PRDM5: variants seen among roughly 807,000 people sequenced by gnomAD.
The protein encoded by PRDM5 is PR/SET domain 5.
A neutral mutation model predicts 81.2 loss-of-function variants in PRDM5; 56 were observed. That is an observed-to-expected ratio of 0.69 (90% confidence interval 0.56 to 0.86). The LOEUF is 0.86. Among genes scored for constraint, PRDM5 ranks in the 40% least tolerant of loss-of-function variants. PRDM5 has a pLI of 0.00. For missense variants in PRDM5, 697 were observed against 770.1 expected (o/e 0.91, Z 1.12); for synonymous variants, 267 against 256.4 (o/e 1.04, Z -0.39).
At chr4:120,872,827 G>T (rs1020442474) in intron 2 of PRDM5, among the ~76,000 whole-genome samples, 15 of 152,090 alleles carry the variant, frequency 9.9e-5, no homozygotes, top group Admixed American at 9.8e-4. Flanking sequence ...GGGGCAGGGG[G>T]TAGTGGGGAG....
intron 14 of PRDM5, among the ~76,000 whole-genome samples, chr4:120,730,038 T>C (rs1740023073): frequency 6.6e-6 from 1 of 152,234 alleles, no homozygotes; most frequent in Non-Finnish European, 1.5e-5. Context: ...GTTCATTCAA[T>C]ACGGAACATA....
intron 3 of PRDM5, among the ~76,000 whole-genome samples, chr4:120,827,018 C>CTA (rs1756080708): frequency 6.6e-6 from 1 of 152,136 alleles, no homozygotes; most frequent in Non-Finnish European, 1.5e-5. Flanking sequence ...CACTAAGGTA[C>CTA]CGTAGAATAT....
chr4:120,889,265 A>T (rs909575778), intron 2 of PRDM5, among the ~76,000 whole-genome samples: 1 of 152,196 alleles, frequency 6.6e-6, no homozygotes, highest in East Asian at 1.9e-4. Context: ...TTAGGGGTCA[A>T]AATACTATTT....
chr4:120,727,816 A>T (rs911441948), intron 14 of PRDM5, among the ~76,000 whole-genome samples: 3 of 151,968 alleles, frequency 2.0e-5, no homozygotes, highest in African/African-American at 7.3e-5. Flanking sequence ...CACGTCTGTA[A>T]TCCCAGCTAC....
Position 120,780,986 on chromosome 4 carries a change from G to A in PRDM5, c.1443+157C>T, listed in dbSNP as rs567150826. On this transcript the variant is annotated intron_variant, in intron 12 of 15. Transcript: ENST00000264808. Reference sequence around the variant, plus strand: ...AGGTCTATCCTGAAAGATGAAGAAAGTGAACATTGTCTGAAGAGCTGATAT... The same window carrying A: ...AGGTCTATCCTGAAAGATGAAGAAAATGAACATTGTCTGAAGAGCTGATAT... 3.5e-4 allele frequency among the ~76,000 whole-genome samples: 53 copies of A among 152,242 alleles called. 1 individual carries two copies. The South Asian group carries it at 0.011, about 31-fold the overall frequency.
chr4:120,828,268 T>C (rs1756279277), intron 3 of PRDM5, among the ~76,000 whole-genome samples: 1 of 152,092 alleles, frequency 6.6e-6, no homozygotes, highest in South Asian at 2.1e-4. Context: ...GATTAAATAA[T>C]ATAGAATATG....
intron 10 of PRDM5, among the ~76,000 whole-genome samples, chr4:120,786,522 C>T (rs1235450084): frequency 6.6e-5 from 10 of 152,054 alleles, no homozygotes; most frequent in Admixed American, 1.3e-4. Flanking sequence ...TTGAGGCAAA[C>T]GTCCAGATAT....
chr4:120,811,583 C>A, intron 7 of PRDM5, 134 bp from the exon 8 acceptor site: 1 of 529,192 alleles, frequency 1.9e-6, no homozygotes, highest in Non-Finnish European at 3.3e-6. Flanking sequence ...TAGATATATT[C>A]ATTAAACTTA....
chr4:120,880,672 T>C (rs1466583219), intron 2 of PRDM5, among the ~76,000 whole-genome samples: 2 of 152,090 alleles, frequency 1.3e-5, no homozygotes, highest in African/African-American at 4.8e-5. Context: ...TTTTATAAAA[T>C]TCATAATTAA....
chr4:120,840,399 C>T (rs887044628), intron 3 of PRDM5, among the ~76,000 whole-genome samples: 2 of 152,236 alleles, frequency 1.3e-5, no homozygotes, highest in East Asian at 3.9e-4. Flanking sequence ...TGGCAGTCAC[C>T]CCAATGCAGG....
At chr4:120,697,297 A>C (rs1020726687) in intron 15 of PRDM5, among the ~76,000 whole-genome samples, 1 of 152,156 alleles carries the variant, frequency 6.6e-6, no homozygotes, top group Non-Finnish European at 1.5e-5. Context: ...TCCTCAGAAG[A>C]ATCTTGGATA....
rs138465352 is a variant in PRDM5 at position 120,889,931 on chromosome 4, T to C, written c.177+17543A>G. On this transcript the variant is annotated intron_variant, in intron 2 of 15. Transcript: ENST00000264808. ...AGTATTCCATAGTGTACATTTTCTTTATCTAGTCTACCATTGATGGGCATG... is the reference window on the plus strand; with the variant it reads ...AGTATTCCATAGTGTACATTTTCTTCATCTAGTCTACCATTGATGGGCATG... 3.0e-4 allele frequency among the ~76,000 whole-genome samples: 46 copies of C among 152,328 alleles called. No individual in the cohort carries two copies. In the East Asian group the frequency reaches 8.3e-3, roughly 28 times the overall value.
chr4:120,711,855 A>G (rs1242858370), intron 14 of PRDM5, among the ~76,000 whole-genome samples: 1 of 152,216 alleles, frequency 6.6e-6, no homozygotes, highest in African/African-American at 2.4e-5. Context: ...ATTGTGAAAT[A>G]AATTAATTAA....
At chr4:120,744,247 A>G (rs1238399243) in intron 14 of PRDM5, among the ~76,000 whole-genome samples, 1 of 152,096 alleles carries the variant, frequency 6.6e-6, no homozygotes, top group African/African-American at 2.4e-5. Flanking sequence ...ACAAAGACAC[A>G]ACTTACCAGA....
At chr4:120,814,837 C>T (rs191592665) in intron 7 of PRDM5, among the ~76,000 whole-genome samples, 1 of 152,270 alleles carries the variant, frequency 6.6e-6, no homozygotes, top group East Asian at 1.9e-4. Context: ...GGCATAGTAA[C>T]CGTTAGCTAA....
chr4:120,741,154 G>A (rs963568854), intron 14 of PRDM5, among the ~76,000 whole-genome samples: 2 of 152,008 alleles, frequency 1.3e-5, no homozygotes, highest in African/African-American at 4.8e-5. Context: ...GTGTCCATGA[G>A]GATTTCAAGA....
chr4:120,781,405 T>A, intron 11 of PRDM5, 102 bp from the exon 12 acceptor site: 1 of 1,042,884 alleles, frequency 9.6e-7, no homozygotes, highest in Non-Finnish European at 1.5e-6. Context: ...GTTGGCTTTG[T>A]AGCTCTAAGA....
At chr4:120,772,912 G>C (rs1297716843) in intron 13 of PRDM5, among the ~76,000 whole-genome samples, 1 of 152,158 alleles carries the variant, frequency 6.6e-6, no homozygotes. Flanking sequence ...AACTGCTAGT[G>C]ACTTCAATTT....
At chr4:120,720,275 G>C (rs995454985) in intron 14 of PRDM5, among the ~76,000 whole-genome samples, 9 of 152,154 alleles carry the variant, frequency 5.9e-5, no homozygotes, top group Non-Finnish European at 1.0e-4. Flanking sequence ...ACTGATCAGA[G>C]GTCAGACTGA....
Sources: gnomAD v4.1 joint callset for allele counts (sites outside exome capture counted in the v4.1 genomes callset) on GRCh38, gnomAD v4.1.1 for gene constraint, MANE v1.5 for transcripts, NCBI Gene and HGNC (gene_info 2026-07-23, HGNC 2026-07-21) for gene names.